Variants in FOXO1 observed in about 807,000 individuals in gnomAD.
FOXO1 encodes forkhead box O1, also known as forkhead box protein O1.
In FOXO1, 6 loss-of-function variants were observed where a neutral mutation model predicts 44.1. The observed-to-expected ratio is 0.14, with a 90% CI of 0.07 to 0.27. FOXO1 has a LOEUF of 0.27. Ranked by LOEUF, FOXO1 falls within the 10% of genes least tolerant of loss-of-function variation. FOXO1 has a pLI of 1.00. For missense variants in FOXO1, 737 were observed against 888.8 expected (o/e 0.83, Z 2.17); for synonymous variants, 380 against 362.7 (o/e 1.05, Z -0.54).
Position 40,665,934 on chromosome 13 carries a change from C to G in FOXO1, c.279G>C (p.Ala93=). The G allele has an allele frequency of 8.2e-7, 1 of 1,215,436 alleles. No homozygotes were observed. Among genetic ancestry groups the G allele is most frequent in the Non-Finnish European group, 1.0e-6 (1 of 980,324 alleles). The allele number at this position is 1,215,436 out of a possible 1,614,324, so 75.3% of individuals were successfully genotyped here. A position where few individuals can be genotyped will look rare whatever the true frequency, so the allele number is the denominator to read the frequency against. ...FPQAPGSVAA[A]VAAAAAAAAT... is the part of the protein sequence containing the mutation. ...CGGCCGCGGCGGCCGCCGCCGCCAC[C>G]GCCGCCGCCACGGAGCCGGGCGCCT... The change falls in exon 1 of 3, where the codon GCG becomes GCC. Residue 93 remains alanine, a synonymous_variant. Transcript: ENST00000379561.
At chr13:40,590,031 T>G (rs1453203445) in intron 1 of FOXO1, among the ~76,000 whole-genome samples, 1 of 152,194 alleles carries the variant, frequency 6.6e-6, no homozygotes, top group African/African-American at 2.4e-5. Flanking sequence ...TCTGCAAGTT[T>G]GTACGATGGG....
Position 40,563,105 on chromosome 13 carries a change from G to A in FOXO1, c.631-2245C>T, listed in dbSNP as rs573426718. On this transcript the variant is annotated intron_variant, in intron 1 of 2. Transcript: ENST00000379561. ...CTGACCATGCCCCCTGCATCTCTGC[G>A]GCCCCTCTTCTCAACCACAAAAAGG... is the stretch of plus-strand genomic sequence containing the variant. 1.7e-4 allele frequency among the ~76,000 whole-genome samples: 26 copies of A among 152,246 alleles called. No individual in the cohort carries two copies. The South Asian group carries it at 4.8e-3, about 28-fold the overall frequency.
At chr13:40,584,657 A>ATT (rs1179631847) in intron 1 of FOXO1, among the ~76,000 whole-genome samples, 4 of 152,076 alleles carry the variant, frequency 2.6e-5, no homozygotes, top group African/African-American at 9.7e-5. Context: ...TCAAACAAAC[A>ATT]TTATATATAT....
At position 40,654,758 on chromosome 13, in the gene FOXO1, C is replaced by T. The variant is rs914607101; in HGVS notation, c.630+10825G>A. On this transcript the variant is annotated intron_variant, in intron 1 of 2. Coordinates refer to ENST00000379561, the MANE Select transcript of FOXO1 (RefSeq NM_002015.4). ...GGGTGCTGCAGTGTAGACCAAGGGG[C>T]CACGACACTTTAGAGGTGGTACTGG... Among the ~76,000 whole-genome samples, 9 of 151,738 alleles carry T rather than the reference C, an allele frequency of 5.9e-5. No homozygotes were observed. The South Asian group carries it at 8.3e-4, about 14-fold the overall frequency.
chr13:40,592,430 T>C (rs1392050242), intron 1 of FOXO1, among the ~76,000 whole-genome samples: 10 of 152,256 alleles, frequency 6.6e-5, no homozygotes, highest in Non-Finnish European at 8.8e-5. Flanking sequence ...GACCCATCTA[T>C]ATCTCAAAGT....
chr13:40,658,746 A>G (rs1404573434), intron 1 of FOXO1, among the ~76,000 whole-genome samples: 1 of 152,248 alleles, frequency 6.6e-6, no homozygotes, highest in Non-Finnish European at 1.5e-5. Flanking sequence ...GCAGTGGCTT[A>G]CGCCTGTAAT....
At chr13:40,603,260 G>C (rs1386686521) in intron 1 of FOXO1, among the ~76,000 whole-genome samples, 1 of 148,706 alleles carries the variant, frequency 6.7e-6, no homozygotes, top group Non-Finnish European at 1.5e-5. Context: ...GCTTTTGGCA[G>C]TCAATGCTCT....
At chr13:40,573,736 A>G (rs1874636331) in intron 1 of FOXO1, among the ~76,000 whole-genome samples, 1 of 152,220 alleles carries the variant, frequency 6.6e-6, no homozygotes, top group African/African-American at 2.4e-5. Flanking sequence ...AAAACCTCAC[A>G]GTTGCCTTTG....
At chr13:40,559,079 T>C in intron 2 of FOXO1, 45 bp from the exon 3 acceptor site, 4 of 402,630 alleles carry the variant, frequency 9.9e-6, no homozygotes, top group Non-Finnish European at 1.8e-5. Flanking sequence ...ACACACACAA[T>C]GAAAATATAG....
chr13:40,576,074 G>A lies in FOXO1; in HGVS notation c.631-15214C>T, dbSNP rs76473829. ...GCTTGGTTCCCTTGTCTGCAAGAAG[G>A]AAATACTAACAGTACTTACTGACCA... On this transcript the variant is annotated intron_variant, in intron 1 of 2. Transcript: ENST00000379561. Among the ~76,000 whole-genome samples, 987 of 152,344 alleles carry A rather than the reference G, an allele frequency of 6.5e-3. 10 individuals carry two copies. The highest frequency in any genetic ancestry group is 0.023 in the African/African-American group (940 of 41,580).
intron 1 of FOXO1, among the ~76,000 whole-genome samples, chr13:40,609,126 A>T (rs995262273): frequency 1.4e-4 from 21 of 152,326 alleles, no homozygotes; most frequent in Non-Finnish European, 2.1e-4. Context: ...AATGTCATTA[A>T]AACTACTCAA....
chr13:40,665,987 A>C lies in FOXO1; in HGVS notation c.226T>G (p.Leu76Val), dbSNP rs543709312. 8.0e-7 allele frequency: 1 copy of C among 1,253,098 alleles called. No individual in the cohort carries two copies. The highest frequency in any genetic ancestry group is 1.6e-5 in the African/African-American group (1 of 64,130). The allele number at this position is 1,253,098 out of a possible 1,614,324, so 77.6% of individuals were successfully genotyped here. A position where few individuals can be genotyped will look rare whatever the true frequency, so the allele number is the denominator to read the frequency against. Residue 76 changes from leucine (L) to valine (V), a missense_variant, in exon 1 of 3, where the codon TTG becomes GTG. Leu to Val is a conservative substitution (Grantham distance 32). This residue lies in a region of FOXO1 where 213 missense variants were observed against 236.4 expected (regional missense o/e 0.90). Transcript: ENST00000379561. ...GGGAAGTCCTCGCTCTCCTCCAGCAAGCTCAGGTTGCTCATGAAGTCGGCG... is the reference window on the plus strand; with the variant it reads ...GGGAAGTCCTCGCTCTCCTCCAGCACGCTCAGGTTGCTCATGAAGTCGGCG... ...VSADFMSNLS[L>V]LEESEDFPQA...
intron 1 of FOXO1, among the ~76,000 whole-genome samples, chr13:40,593,924 C>A (rs993813074): frequency 6.6e-6 from 1 of 152,134 alleles, no homozygotes; most frequent in Non-Finnish European, 1.5e-5. Flanking sequence ...CTAATGAGGT[C>A]CCCTTAGACG....
intron 1 of FOXO1, among the ~76,000 whole-genome samples, chr13:40,602,320 C>A (rs538125582): frequency 6.6e-6 from 1 of 152,064 alleles, no homozygotes; most frequent in East Asian, 1.9e-4. Context: ...GCCGGCTATC[C>A]ACAGAGAAAT....
chr13:40,586,606 T>C (rs1011054606), intron 1 of FOXO1, among the ~76,000 whole-genome samples: 4 of 152,158 alleles, frequency 2.6e-5, no homozygotes, highest in Admixed American at 6.5e-5. Flanking sequence ...AAATAGTGTG[T>C]AGTATCAGTT....
chr13:40,606,362 T>C lies in FOXO1; in HGVS notation c.631-45502A>G, dbSNP rs937825602. Among the ~76,000 whole-genome samples, 13 of 152,236 alleles carry C rather than the reference T, an allele frequency of 8.5e-5. No individual in the cohort carries two copies. The East Asian group carries it at 1.5e-3, about 18-fold the overall frequency. ...TCTCACTCTGTCACCCAGGCTGGAGTGCAGTGGCGCAATCTTAGCTCACTG... is the reference window on the plus strand; with the variant it reads ...TCTCACTCTGTCACCCAGGCTGGAGCGCAGTGGCGCAATCTTAGCTCACTG... On this transcript the variant is annotated intron_variant, in intron 1 of 2. Coordinates refer to ENST00000379561, the MANE Select transcript of FOXO1 (RefSeq NM_002015.4).
rs188234814 is a variant in FOXO1, at chr13:40,612,353, G to A, written c.631-51493C>T. 1.6e-3 allele frequency among the ~76,000 whole-genome samples: 240 copies of A among 152,298 alleles called. 7 individuals are homozygous for A. Among genetic ancestry groups the A allele is most frequent in the Admixed American group, 0.016 (240 of 15,302 alleles). On this transcript the variant is annotated intron_variant, in intron 1 of 2. Coordinates refer to ENST00000379561, the MANE Select transcript of FOXO1 (RefSeq NM_002015.4). ...CACAGCAGGCAGACAGTATATCACA[G>A]ACACAGCTACGAAGATAAAGTGCCA...
chr13:40,630,531 T>C (rs781429344), intron 1 of FOXO1, among the ~76,000 whole-genome samples: 3 of 151,900 alleles, frequency 2.0e-5, no homozygotes, highest in Non-Finnish European at 2.9e-5. Flanking sequence ...GGCGCGCGCC[T>C]GTAATCCCAG....
intron 1 of FOXO1, among the ~76,000 whole-genome samples, chr13:40,578,027 C>T (rs1874826085): frequency 6.6e-6 from 1 of 152,236 alleles, no homozygotes; most frequent in South Asian, 2.1e-4. Flanking sequence ...GCAGAATGTG[C>T]CCACTGACTG....
Sources: allele counts gnomAD v4.1 joint callset (sites outside exome capture counted in the v4.1 genomes callset), GRCh38; gene constraint gnomAD v4.1.1; regional missense constraint gnomAD v4.1.1; transcripts MANE v1.5; gene names NCBI Gene and HGNC (gene_info 2026-07-23, HGNC 2026-07-21).